MTMR8: variants seen among roughly 807,000 people sequenced by gnomAD.
The protein encoded by MTMR8 is myotubularin related protein 8, also known as phosphatidylinositol-3,5-bisphosphate 3-phosphatase MTMR8.
Under a neutral mutation model 39.3 loss-of-function variants are expected in MTMR8, and 65 were observed. The observed-to-expected ratio is 1.65, with a 90% confidence interval of 1.35 to 2.03. The LOEUF (loss-of-function observed/expected upper bound fraction) is 2.03, where lower values mean the gene tolerates loss of function less well. MTMR8 is among the 30% of genes most tolerant of loss of function. The probability of loss-of-function intolerance (pLI) is 0.00; values close to 1 mark genes in which losing one functional copy is unlikely to be tolerated. For synonymous variants in MTMR8, 245 were observed against 185.2 expected, an observed-to-expected ratio of 1.32 and a Z score of -2.62; for missense variants, 777 against 538.9, an observed-to-expected ratio of 1.44 and a Z score of -4.37.
intron 4 of MTMR8, among the ~76,000 whole-genome samples, chrX:64,351,315 T>C (rs770278586): frequency 4.5e-4 from 50 of 111,157 alleles, no homozygotes; most frequent in Non-Finnish European, 9.4e-5. Context: ...CCATACCTAG[T>C]AGACATTCAA....
intron 4 of MTMR8, 34 bp from the exon 5 acceptor site, chrX:64,350,104 A>G: frequency 2.4e-6 from 2 of 822,389 alleles, no homozygotes; most frequent in South Asian, 1.0e-4. Context: ...ATATAAATAT[A>G]TATTTATACA....
rs1337999796 is a variant in MTMR8, at chrX:64,305,374, A to G, written c.1481+23398T>C. ...TGAGTGCCAATATCCCCCTTATCCAAAAGGTTTATTATTCTTGGTACAATA... is the reference window on the plus strand; with the variant it reads ...TGAGTGCCAATATCCCCCTTATCCAGAAGGTTTATTATTCTTGGTACAATA... On this transcript the variant is annotated intron_variant, in intron 12 of 13. Transcript: ENST00000374852. The G allele has an allele frequency of 6.8e-5, 15 of 220,347 alleles. No homozygotes were observed. In the Admixed American group the frequency reaches 9.0e-4, roughly 13 times the overall value. 18.2% of individuals were successfully genotyped at this position (220,347 alleles called of 1,213,427 possible).
chrX:64,287,495 C>T (rs1377958980), intron 12 of MTMR8, among the ~76,000 whole-genome samples: 9 of 111,145 alleles, frequency 8.1e-5, no homozygotes, highest in Non-Finnish European at 1.3e-4. Flanking sequence ...AAAAAAAGAG[C>T]CCGCATTGCC....
At chrX:64,295,861 G>A (rs1208405419) in intron 12 of MTMR8, among the ~76,000 whole-genome samples, 1 of 111,960 alleles carries the variant, frequency 8.9e-6, no homozygotes, top group Non-Finnish European at 1.9e-5. Flanking sequence ...TTGCTGATGG[G>A]AATGTAAAAT....
intron 1 of MTMR8, among the ~76,000 whole-genome samples, chrX:64,380,466 ATTTTAAGC>A (rs1201164583): frequency 8.9e-6 from 1 of 112,573 alleles, no homozygotes; most frequent in African/African-American, 3.2e-5. Flanking sequence ...GCATTTAAAT[ATTTTAAGC>A]TCCATGGGTG....
At chrX:64,391,874 G>T (rs1396219383) in intron 1 of MTMR8, among the ~76,000 whole-genome samples, 1 of 112,199 alleles carries the variant, frequency 8.9e-6, no homozygotes, top group Non-Finnish European at 1.9e-5. Flanking sequence ...TGGCTCCAAA[G>T]TATGCACTCT....
intron 12 of MTMR8, among the ~76,000 whole-genome samples, chrX:64,272,372 GAATAC>G (rs1358896037): frequency 3.6e-5 from 4 of 111,379 alleles, no homozygotes; most frequent in Non-Finnish European, 5.7e-5. Context: ...TAAAGCTGAA[GAATAC>G]AATAACTGAA....
intron 4 of MTMR8, among the ~76,000 whole-genome samples, chrX:64,353,277 A>G (rs1297482769): frequency 8.9e-6 from 1 of 112,258 alleles, no homozygotes; most frequent in Non-Finnish European, 1.9e-5. Flanking sequence ...TCTCCATGGC[A>G]AAGGAAACAA....
intron 9 of MTMR8, among the ~76,000 whole-genome samples, chrX:64,336,603 G>T (rs1923082156): frequency 9.1e-6 from 1 of 109,840 alleles, no homozygotes; most frequent in African/African-American, 3.3e-5. Context: ...TTTGAGACCA[G>T]ACTGGCCAAT....
At chrX:64,282,727 C>CA (rs990305585) in intron 12 of MTMR8, among the ~76,000 whole-genome samples, 2 of 110,743 alleles carry the variant, frequency 1.8e-5, no homozygotes, top group African/African-American at 6.6e-5. Flanking sequence ...TGGGCTACAT[C>CA]AAAATTAAAC....
intron 12 of MTMR8, among the ~76,000 whole-genome samples, chrX:64,311,767 C>CTTTTTTT (rs1193336126): frequency 1.2e-5 from 1 of 80,918 alleles, no homozygotes; most frequent in Non-Finnish European, 2.4e-5. Flanking sequence ...TTCCCCATTG[C>CTTTTTTT]TTTTTTTTTT....
intron 11 of MTMR8, 86 bp downstream of exon 11, chrX:64,331,471 C>T: frequency 2.3e-6 from 2 of 868,913 alleles, no homozygotes; most frequent in Non-Finnish European, 3.3e-6. Context: ...TTCTTGACTG[C>T]TATGCCAAAT....
At chrX:64,299,185 T>G (rs1204141043) in intron 12 of MTMR8, among the ~76,000 whole-genome samples, 1 of 87,083 alleles carries the variant, frequency 1.1e-5, no homozygotes, top group Non-Finnish European at 2.2e-5. Context: ...TCTGGTAGAA[T>G]TCGGCTGTGA....
At chrX:64,288,221 G>C (rs1435681919) in intron 12 of MTMR8, among the ~76,000 whole-genome samples, 1 of 109,367 alleles carries the variant, frequency 9.1e-6, no homozygotes, top group East Asian at 2.9e-4. Flanking sequence ...CTTCTCAAAA[G>C]AAGACATTTA....
chrX:64,287,076 C>T (rs1271573278), intron 12 of MTMR8, among the ~76,000 whole-genome samples: 3 of 111,604 alleles, frequency 2.7e-5, no homozygotes, highest in Non-Finnish European at 3.8e-5. Context: ...ATTGTCTCAG[C>T]CCAAAATCTC....
intron 1 of MTMR8, among the ~76,000 whole-genome samples, chrX:64,394,995 G>A (rs925422722): frequency 3.6e-5 from 4 of 112,401 alleles, no homozygotes; most frequent in African/African-American, 6.5e-5. Flanking sequence ...GCGGTTACAA[G>A]TGCAGCTAGT....
At chrX:64,278,718 C>T (rs773165650) in intron 12 of MTMR8, among the ~76,000 whole-genome samples, 26 of 109,872 alleles carry the variant, frequency 2.4e-4, no homozygotes, top group African/African-American at 7.6e-4. Context: ...GTGATCTGCC[C>T]GCCTCGGCCT....
chrX:64,340,455 C>A (rs1467327354), intron 8 of MTMR8, among the ~76,000 whole-genome samples: 3 of 110,501 alleles, frequency 2.7e-5, no homozygotes, highest in Non-Finnish European at 5.7e-5. Flanking sequence ...GATGGTATAG[C>A]TAAATGAAAT....
chrX:64,308,492 A>T lies in MTMR8; in HGVS notation c.1481+20280T>A, dbSNP rs190056288. On this transcript the variant is annotated intron_variant, in intron 12 of 13. Transcript: ENST00000374852. ...CTGACAGGGCATAATACTTTTTATG[A>T]TTTATTTTTTAGTTTTTTGGCTTTC... Among the ~76,000 whole-genome samples the T allele has an allele frequency of 7.3e-5, 8 of 109,535 alleles. No homozygotes were observed. In the East Asian group the frequency reaches 2.0e-3, roughly 27 times the overall value.
Sources: gnomAD v4.1 joint callset for allele counts (sites outside exome capture counted in the v4.1 genomes callset) on GRCh38, gnomAD v4.1.1 for gene constraint, MANE v1.5 for transcripts, NCBI Gene and HGNC (gene_info 2026-07-23, HGNC 2026-07-21) for gene names.